The following IKZF4 variants were observed in gnomAD, a reference collection of about 807,000 sequenced individuals.
IKZF4 encodes the protein zinc finger protein Eos.
In IKZF4, 11 loss-of-function variants were observed where a neutral mutation model predicts 47.7. The ratio of observed to expected loss-of-function variants is 0.23; its 90% confidence interval spans 0.15 to 0.38. The LOEUF (loss-of-function observed/expected upper bound fraction) is 0.38, where lower values mean the gene tolerates loss of function less well. Ranked by LOEUF, IKZF4 falls within the 10% of genes least tolerant of loss-of-function variation. The pLI is 1.00. For synonymous variants in IKZF4, 298 were observed against 299.4 expected (o/e 1.00, Z 0.05); for missense variants, 557 against 784.9 (o/e 0.71, Z 3.47).
At chr12:56,016,242 A>G (rs1892040737), upstream of IKZF4, among the ~76,000 whole-genome samples, 1 of 151,652 alleles carries the variant, frequency 6.6e-6, no homozygotes, top group African/African-American at 2.4e-5. Context: ...ACCTCTCTCA[A>G]TATACCATTA....
rs1480647749 is a variant in IKZF4 at position 56,034,915 on chromosome 12, T to A, written c.1342T>A (p.Ser448Thr). The change falls in exon 8 of 8, where the codon TCC becomes ACC. Residue 448 changes from serine (S) to threonine (T), a missense_variant. This residue lies in a region of IKZF4 where 280 missense variants were observed against 314.0 expected (regional missense o/e 0.89). Transcript: ENST00000547167. ...PRGPLTDPGA[S>T]PSNGCQDSTD... ...AGGCCCCCTGACTGACCCTGGGGCATCCCCCAGCAATGGCTGCCAGGACTC... is the reference window on the plus strand; with the variant it reads ...AGGCCCCCTGACTGACCCTGGGGCAACCCCCAGCAATGGCTGCCAGGACTC... 8 of 1,596,978 alleles carry A rather than the reference T, an allele frequency of 5.0e-6. No individual in the cohort carries two copies. Among genetic ancestry groups the A allele is most frequent in the Non-Finnish European group, 6.8e-6 (8 of 1,169,688 alleles).
At position 56,027,758 on chromosome 12, in the gene IKZF4, G is replaced by A. The variant is rs766753232; in HGVS notation, c.548-22G>A. On this transcript the variant is annotated intron_variant, in intron 4 of 7. Transcript: ENST00000547167. ...AAAGTTCCTCACATGCAGTCCTCTG[G>A]GATTTGTTCTTTCACTTGCAGGTGA... is the stretch of plus-strand genomic sequence containing the variant. 1.7e-5 allele frequency: 27 copies of A among 1,608,258 alleles called. 1 individual carries two copies. The Admixed American group carries it at 1.9e-4, about 11-fold the overall frequency.
In IKZF4 at chr12:56,034,820, C is replaced by A; in HGVS notation, c.1247C>A (p.Pro416Gln). Reference protein sequence around the residue: ...MQPLPGRLELPGSREAGEGPE... With the variant: ...MQPLPGRLELQGSREAGEGPE... ...CCCCTCCCTGGTCGACTGGAGCTTCCAGGATCCCGAGAAGCAGGTGAGGGA... is the reference window on the plus strand; with the variant it reads ...CCCCTCCCTGGTCGACTGGAGCTTCAAGGATCCCGAGAAGCAGGTGAGGGA... The change falls in exon 8 of 8, where the codon CCA becomes CAA. Residue 416 changes from proline to glutamine, a missense_variant. Physicochemically the swap from Pro to Gln is moderately conservative, Grantham distance 76 (BLOSUM62 -1). Coordinates refer to ENST00000547167, the MANE Select transcript of IKZF4 (RefSeq NM_022465.4). 6.2e-7 allele frequency: 1 copy of A among 1,613,996 alleles called. No individual in the cohort carries two copies. Among genetic ancestry groups the A allele is most frequent in the Non-Finnish European group, 8.5e-7 (1 of 1,179,882 alleles).
chr12:56,021,676 A>T, intron 1 of IKZF4, 96 bp downstream of exon 1: 1 of 1,353,178 alleles, frequency 7.4e-7, no homozygotes, highest in Non-Finnish European at 1.0e-6. Context: ...GAGGAGATGG[A>T]GAGGATGGGG....
At chr12:56,031,499 C>T (rs1417627500) in intron 5 of IKZF4, among the ~76,000 whole-genome samples, 1 of 152,176 alleles carries the variant, frequency 6.6e-6, no homozygotes. Context: ...GTGTTCATTT[C>T]ATCCCTAAAA....
chr12:56,017,545 C>T (rs745849025), upstream of IKZF4, among the ~76,000 whole-genome samples: 1 of 152,092 alleles, frequency 6.6e-6, no homozygotes, highest in Non-Finnish European at 1.5e-5. Context: ...TCTCCACCTA[C>T]ATACACGGTC....
chr12:56,033,934 C>G (rs981143004), intron 7 of IKZF4, among the ~76,000 whole-genome samples: 19 of 152,164 alleles, frequency 1.2e-4, no homozygotes, highest in African/African-American at 4.6e-4. Context: ...GAGTCTTGCT[C>G]TGTCGCCCAG....
intron 1 of IKZF4, 87 bp from the exon 2 acceptor site, chr12:56,023,584 A>G: frequency 6.8e-7 from 1 of 1,469,378 alleles, no homozygotes; most frequent in Non-Finnish European, 9.2e-7. Context: ...GACGGGATAG[A>G]ATGGGGAAAA....
chr12:56,034,603 C>A lies in IKZF4; in HGVS notation c.1030C>A (p.Leu344Ile), dbSNP rs369283900. 1 of 1,613,044 alleles carries A rather than the reference C, an allele frequency of 6.2e-7. No homozygotes were observed. Residue 344 changes from leucine (L) to isoleucine (I), a missense_variant, in exon 8 of 8, where the codon CTC (leucine) becomes ATC (isoleucine). By Grantham distance (5) the Leu-to-Ile change is conservative. Coordinates refer to ENST00000547167, the MANE Select transcript of IKZF4 (RefSeq NM_022465.4). ...GCAGATGCGCTTCAGCCTCTCAGAC[C>A]TCCCCTATGATGTGAACTCGGGTGG... ...EKQMRFSLSD[L>I]PYDVNSGGYE...
At chr12:56,023,594 A>G in intron 1 of IKZF4, 77 bp from the exon 2 acceptor site, 1 of 1,518,788 alleles carries the variant, frequency 6.6e-7, no homozygotes, top group South Asian at 1.2e-5. Flanking sequence ...AATGGGGAAA[A>G]TGGGACTTTA....
intron 6 of IKZF4, 96 bp downstream of exon 6, chr12:56,032,806 A>AT: frequency 7.4e-7 from 1 of 1,345,420 alleles, no homozygotes; most frequent in Non-Finnish European, 1.1e-6. Flanking sequence ...CTGAGGGATG[A>AT]AGTCTGTGGA....
chr12:56,032,566 T>C lies in IKZF4; in HGVS notation c.721T>C (p.Ser241Pro). ...CTTTCCACTCTCCTCCACAGTCTCC[T>C]CTCCCACAGTGGGCAAGCCCTACAA... Reference protein sequence around the residue: ...TGHLRTHSVSSPTVGKPYKCN... With the variant: ...TGHLRTHSVSPPTVGKPYKCN... Residue 241 changes from serine (S) to proline (P), a missense_variant, in exon 6 of 8, where the codon TCT (serine) becomes CCT (proline). By Grantham distance (74) the Ser-to-Pro change is moderately conservative. This residue lies in a region of IKZF4 where 72 missense variants were observed against 112.4 expected (regional missense o/e 0.64). Transcript: ENST00000547167. The C allele has an allele frequency of 6.2e-7, 1 of 1,612,234 alleles. No individual in the cohort carries two copies. Among genetic ancestry groups the C allele is most frequent in the Non-Finnish European group, 8.5e-7 (1 of 1,179,188 alleles).
At chr12:56,022,797 CTTTTTTTT>C (rs34923817) in intron 1 of IKZF4, among the ~76,000 whole-genome samples, 8 of 126,292 alleles carry the variant, frequency 6.3e-5, no homozygotes. Flanking sequence ...CTCAGTGTTT[CTTTTTTTT>C]TTTTTTTTTT....
At chr12:56,008,286 G>C (rs1035410525) in intron 1 of IKZF4, among the ~76,000 whole-genome samples, 2 of 152,078 alleles carry the variant, frequency 1.3e-5, no homozygotes, top group African/African-American at 4.8e-5. Context: ...TAGGGAACTT[G>C]GGAAGCAAGG....
chr12:56,020,936 C>G, upstream of IKZF4: 1 of 1,008,322 alleles, frequency 9.9e-7, no homozygotes, highest in Non-Finnish European at 1.2e-6. Flanking sequence ...CCCATGACCT[C>G]TGGGGCCTTG....
chr12:56,009,240 C>T (rs978991379), intron 1 of IKZF4, among the ~76,000 whole-genome samples: 1 of 152,128 alleles, frequency 6.6e-6, no homozygotes, highest in Non-Finnish European at 1.5e-5. Context: ...GCTCACTTTG[C>T]CTGGGTGAAG....
chr12:56,021,959 C>T (rs1469475920), intron 1 of IKZF4: 2 of 258,854 alleles, frequency 7.7e-6, no homozygotes, highest in Non-Finnish European at 1.5e-5. Flanking sequence ...AAGCAGATGC[C>T]TCAGCCTGGA....
chr12:56,031,058 C>T lies in IKZF4; in HGVS notation c.716-1503C>T, dbSNP rs550606027. Among the ~76,000 whole-genome samples the T allele has an allele frequency of 2.9e-4, 44 of 151,770 alleles. 1 individual carries two copies. Among genetic ancestry groups the T allele is most frequent in the Admixed American group, 2.6e-3 (40 of 15,250 alleles). On this transcript the variant is annotated intron_variant, in intron 5 of 7. Transcript: ENST00000547167. ...CATGAGGTCAGGAGATTGAGACCAT[C>T]CTGGCTAACATGGTGAAACCCGTCT...
chr12:56,035,436 A>G lies in IKZF4; in HGVS notation c.*105A>G. 8.0e-7 allele frequency: 1 copy of G among 1,246,666 alleles called. No individual in the cohort carries two copies. The highest frequency in any genetic ancestry group is 2.3e-5 in the East Asian group (1 of 42,890). 77.2% of individuals were successfully genotyped at this position (1,246,666 alleles called of 1,614,324 possible). The stretch of plus-strand genomic sequence containing the variant: ...GGAGTTTTGCTTTGTAGCCCTCACT[A>G]CTGGCCACCTGACCTCACACCTGAC... On this transcript the variant is annotated 3_prime_UTR_variant, in exon 8 of 8. Coordinates refer to ENST00000547167, the MANE Select transcript of IKZF4 (RefSeq NM_022465.4). This position sits in a 1 kb window ranked among gnomAD's most constrained non-coding sequence, Gnocchi z 6.1.
Sources: allele counts gnomAD v4.1 joint callset (sites outside exome capture counted in the v4.1 genomes callset), GRCh38; gene constraint gnomAD v4.1.1; regional missense constraint gnomAD v4.1.1; non-coding constraint Gnocchi (gnomAD v3.1); transcripts MANE v1.5; gene names NCBI Gene and HGNC (gene_info 2026-07-23, HGNC 2026-07-21).